The following COG5 variants were observed in gnomAD, a reference collection of about 807,000 sequenced individuals.
The protein encoded by COG5 is component of oligomeric golgi complex 5, also known as conserved oligomeric Golgi complex subunit 5.
COG5 carries 86 observed loss-of-function variants against 110.4 expected under a neutral mutation model. The ratio of observed to expected loss-of-function variants is 0.78; its 90% CI spans 0.65 to 0.93. The LOEUF (loss-of-function observed/expected upper bound fraction) is 0.93. Ranked by LOEUF, COG5 falls within the 40% of genes least tolerant of loss-of-function variation. The pLI is 0.00. For synonymous variants in COG5, 360 were observed against 334.6 expected (o/e 1.08, Z -0.83); for missense variants, 1,077 against 987.0 (o/e 1.09, Z -1.22).
At chr7:107,424,246 C>A (rs1793490566) in intron 6 of COG5, among the ~76,000 whole-genome samples, 1 of 152,018 alleles carries the variant, frequency 6.6e-6, no homozygotes, top group Non-Finnish European at 1.5e-5. Flanking sequence ...GCACTCCAGC[C>A]TGGGCAACAG....
intron 6 of COG5, among the ~76,000 whole-genome samples, chr7:107,417,754 C>T (rs1057102132): frequency 1.3e-5 from 2 of 151,986 alleles, no homozygotes; most frequent in Admixed American, 1.3e-4. Context: ...GAAATATGTT[C>T]TCATTGATAG....
At chr7:107,345,276 A>C (rs1433142574) in intron 10 of COG5, among the ~76,000 whole-genome samples, 3 of 152,198 alleles carry the variant, frequency 2.0e-5, no homozygotes, top group African/African-American at 7.2e-5. Context: ...AAATAACAAA[A>C]AAATTTGAAA....
intron 6 of COG5, among the ~76,000 whole-genome samples, chr7:107,501,603 TA>T (rs1473521541): frequency 6.6e-6 from 1 of 152,172 alleles, no homozygotes; most frequent in Non-Finnish European, 1.5e-5. Flanking sequence ...AATAGAATCA[TA>T]AATGTGGTAT....
intron 13 of COG5, 111 bp downstream of exon 13, chr7:107,283,460 G>A (rs1299342818): frequency 2.0e-5 from 18 of 882,816 alleles, no homozygotes; most frequent in Non-Finnish European, 3.1e-5. Flanking sequence ...TTTAATTGTG[G>A]GCCTAATTAC....
intron 12 of COG5, among the ~76,000 whole-genome samples, chr7:107,286,317 C>A (rs1805624546): frequency 6.6e-6 from 1 of 152,160 alleles, no homozygotes; most frequent in Non-Finnish European, 1.5e-5. Context: ...AGAACTTGTT[C>A]TTTGACCTTA....
intron 14 of COG5, among the ~76,000 whole-genome samples, chr7:107,269,062 A>G (rs1309526254): frequency 1.3e-5 from 2 of 152,032 alleles, no homozygotes; most frequent in African/African-American, 4.8e-5. Context: ...TTGTTTCTGT[A>G]TATTTTTCAG....
chr7:107,284,321 A>G (rs1000744241), intron 12 of COG5, among the ~76,000 whole-genome samples: 6 of 152,234 alleles, frequency 3.9e-5, no homozygotes, highest in Non-Finnish European at 8.8e-5. Flanking sequence ...AACTAAAAGA[A>G]TAACAGTAAA....
At chr7:107,341,739 C>A (rs1316230831) in intron 10 of COG5, among the ~76,000 whole-genome samples, 1 of 151,504 alleles carries the variant, frequency 6.6e-6, no homozygotes, top group Non-Finnish European at 1.5e-5. Context: ...AGCCATCTGA[C>A]AAAAATAAAA....
intron 6 of COG5, among the ~76,000 whole-genome samples, chr7:107,462,225 T>C (rs777265111): frequency 2.6e-5 from 4 of 152,186 alleles, no homozygotes; most frequent in Non-Finnish European, 5.9e-5. Flanking sequence ...CCAGTAAGAA[T>C]AATTCAGTCA....
At chr7:107,285,826 C>T (rs1385490334) in intron 12 of COG5, among the ~76,000 whole-genome samples, 1 of 149,806 alleles carries the variant, frequency 6.7e-6, no homozygotes, top group Non-Finnish European at 1.5e-5. Flanking sequence ...GATCATGCCA[C>T]TGCACTCCAG....
chr7:107,371,468 T>C (rs778831677), intron 8 of COG5, among the ~76,000 whole-genome samples: 30 of 152,174 alleles, frequency 2.0e-4, no homozygotes, highest in Middle Eastern at 3.4e-3. Context: ...AAATTAAAAA[T>C]TAATAAATAG....
At chr7:107,210,781 C>G (rs1009381782) in intron 20 of COG5, among the ~76,000 whole-genome samples, 176 bp from the exon 21 acceptor site, 1 of 152,206 alleles carries the variant, frequency 6.6e-6, no homozygotes, top group African/African-American at 2.4e-5. Context: ...TACCAAGGAG[C>G]CTTCTAGATT....
At chr7:107,207,776 C>T (rs1015678296) in intron 21 of COG5, 14 of 985,376 alleles carry the variant, frequency 1.4e-5, no homozygotes, top group Middle Eastern at 1.0e-3. Context: ...CTCTGATTTT[C>T]AAATGAACTT....
At chr7:107,505,867 A>C (rs1454497914) in intron 6 of COG5, among the ~76,000 whole-genome samples, 1 of 152,188 alleles carries the variant, frequency 6.6e-6, no homozygotes, top group African/African-American at 2.4e-5. Context: ...CTAGATGCCC[A>C]GTGTGGCTGC....
chr7:107,207,085 A>C (rs1798837510), intron 21 of COG5, among the ~76,000 whole-genome samples: 1 of 152,270 alleles, frequency 6.6e-6, no homozygotes, highest in Non-Finnish European at 1.5e-5. Context: ...CATGGAAAAC[A>C]ACATTGATTT....
At chr7:107,419,388 C>T (rs1793110860) in intron 6 of COG5, among the ~76,000 whole-genome samples, 2 of 151,856 alleles carry the variant, frequency 1.3e-5, no homozygotes, top group Admixed American at 1.3e-4. Context: ...CTTATTCCAA[C>T]TAAAAATAAT....
chr7:107,251,457 C>G (rs1584574811), intron 16 of COG5, among the ~76,000 whole-genome samples: 1 of 151,898 alleles, frequency 6.6e-6, no homozygotes, highest in African/African-American at 2.4e-5. Flanking sequence ...TATGAAGTAT[C>G]CATTCTTTTG....
intron 10 of COG5, among the ~76,000 whole-genome samples, chr7:107,359,181 C>T (rs984900050): frequency 1.3e-5 from 2 of 152,206 alleles, no homozygotes; most frequent in Non-Finnish European, 2.9e-5. Flanking sequence ...AGCCCCCTGC[C>T]TCCACAGGCT....
intron 6 of COG5, among the ~76,000 whole-genome samples, chr7:107,486,340 A>G (rs566318247): frequency 6.6e-6 from 1 of 152,220 alleles, no homozygotes; most frequent in East Asian, 1.9e-4. Flanking sequence ...CTAAAATACA[A>G]TTCTGCTCAT....
Sources: allele counts gnomAD v4.1 joint callset (sites outside exome capture counted in the v4.1 genomes callset), GRCh38; gene constraint gnomAD v4.1.1; transcripts MANE v1.5; gene names NCBI Gene and HGNC (gene_info 2026-07-23, HGNC 2026-07-21).